FAM53A: variants seen among roughly 807,000 people sequenced by gnomAD.
FAM53A encodes the protein protein FAM53A.
A neutral mutation model predicts 26.6 loss-of-function variants in FAM53A; 28 were observed. That is an observed-to-expected ratio of 1.05 (90% CI 0.78 to 1.45). The LOEUF (loss-of-function observed/expected upper bound fraction) is 1.45. FAM53A is among the 40% of genes most tolerant of loss of function. The pLI is 0.00. For missense variants in FAM53A, 650 were observed against 575.8 expected, an observed-to-expected ratio of 1.13 and a Z score of -1.32; for synonymous variants, 290 against 253.1, an observed-to-expected ratio of 1.15 and a Z score of -1.38.
the FAM53A span, among the ~76,000 whole-genome samples, chr4:1,599,479 C>T: frequency 2.0e-5 from 3 of 152,148 alleles, no homozygotes; most frequent in Non-Finnish European, 2.9e-5. This position sits in a 1 kb window ranked among gnomAD's most constrained non-coding sequence, Gnocchi z 6.1. Context: ...CCCACAGCCA[C>T]GGGAGCAGCA....
chr4:1,649,894 G>A (rs1712602268), intron 4 of FAM53A, among the ~76,000 whole-genome samples: 1 of 150,216 alleles, frequency 6.7e-6, no homozygotes, highest in African/African-American at 2.5e-5. Context: ...AGGTGGCACA[G>A]GCGTGGCGTT....
Position 1,630,614 on chromosome 4 carries a change from AC to A in FAM53A, c.432-12504del, listed in dbSNP as rs1049934892. 7.2e-5 allele frequency among the ~76,000 whole-genome samples: 11 copies of A among 151,776 alleles called. No homozygotes were observed. The highest frequency in any genetic ancestry group is 2.7e-4 in the African/African-American group (11 of 41,288). On this transcript the variant is annotated intron_variant, in intron 1 of 1. Transcript: ENST00000489029. This position sits in a 1 kb window ranked among gnomAD's most constrained non-coding sequence, Gnocchi z 4.3. ...AGCAATTCCCCTCAGCCTCACCGCCACTCCCAAGACAGGCCAGGAGCCTGCT... is the reference window on the plus strand; with the variant it reads ...AGCAATTCCCCTCAGCCTCACCGCCATCCCAAGACAGGCCAGGAGCCTGCT...
the FAM53A span, among the ~76,000 whole-genome samples, chr4:1,594,267 G>A: frequency 6.6e-6 from 1 of 152,222 alleles, no homozygotes; most frequent in African/African-American, 2.4e-5. Context: ...ACCAGGTCAG[G>A]GCTCAGCCTG....
chr4:1,670,080 G>A (rs1160308379), intron 1 of FAM53A, among the ~76,000 whole-genome samples: 1 of 152,302 alleles, frequency 6.6e-6, no homozygotes, highest in East Asian at 1.9e-4. Context: ...TGGGAGCCAC[G>A]TGAGCCGCCC....
intron 4 of FAM53A, chr4:1,644,049 C>T (rs1436067365): frequency 9.4e-6 from 11 of 1,165,672 alleles, no homozygotes; most frequent in African/African-American, 1.5e-5. Flanking sequence ...CGTGGAGGTC[C>T]GGGTCTCACC....
At chr4:1,614,397 C>CATGCAGAGACGTGAGAGGG (rs1714732872), downstream of FAM53A, among the ~76,000 whole-genome samples, 9 of 97,000 alleles carry the variant, frequency 9.3e-5, no homozygotes, top group African/African-American at 4.2e-4. Context: ...ACGTGAGGGG[C>CATGCAGAGACGTGAGAGGG]ATGCAGAGAC....
chr4:1,626,316 C>T (rs536935733), intron 1 of FAM53A, among the ~76,000 whole-genome samples: 1 of 152,376 alleles, frequency 6.6e-6, no homozygotes, highest in African/African-American at 2.4e-5. Context: ...TCCACGTGGG[C>T]TTTCCTTCCA....
intron 1 of FAM53A, among the ~76,000 whole-genome samples, chr4:1,621,096 C>A (rs553216660): frequency 9.7e-6 from 1 of 102,816 alleles, no homozygotes. Flanking sequence ...GAGTCAGCTA[C>A]GCTACTTTTT....
At chr4:1,633,004 G>A (rs1284287980) in intron 1 of FAM53A, among the ~76,000 whole-genome samples, 1 of 132,014 alleles carries the variant, frequency 7.6e-6, no homozygotes, top group Admixed American at 7.6e-5. Flanking sequence ...ACACACTCGT[G>A]CTCACACGCA....
intron 1 of FAM53A, among the ~76,000 whole-genome samples, chr4:1,675,593 G>A (rs798737): frequency 6.6e-6 from 1 of 152,270 alleles, no homozygotes; most frequent in East Asian, 1.9e-4. Context: ...ACCCCAGGAG[G>A]TTTCCCTGCC....
intron 1 of FAM53A, among the ~76,000 whole-genome samples, chr4:1,673,747 T>C (rs1033362772): frequency 8.6e-5 from 13 of 151,710 alleles, no homozygotes; most frequent in Admixed American, 1.3e-4. Flanking sequence ...AAAAATCAGA[T>C]AAAGTGTGCC....
chr4:1,594,471 G>C, the FAM53A span, among the ~76,000 whole-genome samples: 1 of 152,120 alleles, frequency 6.6e-6, no homozygotes, highest in South Asian at 2.1e-4. Flanking sequence ...CCACGGTGGG[G>C]GTATTACTGT....
At chr4:1,585,473 G>A in the FAM53A span, among the ~76,000 whole-genome samples, 7 of 151,608 alleles carry the variant, frequency 4.6e-5, no homozygotes, top group Non-Finnish European at 5.9e-5. Flanking sequence ...TAGTAGGGAC[G>A]GGGTTTCACC....
intron 1 of FAM53A, among the ~76,000 whole-genome samples, chr4:1,670,053 C>T (rs1028906111): frequency 6.6e-6 from 1 of 152,220 alleles, no homozygotes; most frequent in Non-Finnish European, 1.5e-5. Flanking sequence ...GAGCATCTGC[C>T]CCAAAAGCCT....
At chr4:1,620,560 C>T (rs1714985354) in intron 1 of FAM53A, among the ~76,000 whole-genome samples, 1 of 151,804 alleles carries the variant, frequency 6.6e-6, no homozygotes, top group Non-Finnish European at 1.5e-5. Flanking sequence ...ACATAGGACG[C>T]CTGTAATCCC....
chr4:1,623,230 TG>T (rs1380265305), intron 1 of FAM53A, among the ~76,000 whole-genome samples: 1 of 152,200 alleles, frequency 6.6e-6, no homozygotes, highest in African/African-American at 2.4e-5. Context: ...TGTGTCCAGC[TG>T]CAGGTGGACC....
intron 1 of FAM53A, among the ~76,000 whole-genome samples, chr4:1,621,879 G>A (rs1451775323): frequency 1.3e-5 from 2 of 152,194 alleles, no homozygotes; most frequent in African/African-American, 4.8e-5. Flanking sequence ...AGGCTCATGT[G>A]TTGGAAACCT....
chr4:1,674,814 C>A (rs890703341), intron 1 of FAM53A, among the ~76,000 whole-genome samples: 1 of 152,204 alleles, frequency 6.6e-6, no homozygotes, highest in Non-Finnish European at 1.5e-5. Context: ...TCTCCCCTTA[C>A]AAGAAACTGA....
chr4:1,656,975 C>A (rs549389922), intron 3 of FAM53A, among the ~76,000 whole-genome samples: 1 of 152,188 alleles, frequency 6.6e-6, no homozygotes, highest in South Asian at 2.1e-4. Context: ...GGCCCACCTG[C>A]GGGTGAACCA....
Sources: gnomAD v4.1 joint callset for allele counts (sites outside exome capture counted in the v4.1 genomes callset) on GRCh38, gnomAD v4.1.1 for gene constraint, Gnocchi (gnomAD v3.1) non-coding constraint, MANE v1.5 for transcripts, NCBI Gene and HGNC (gene_info 2026-07-23, HGNC 2026-07-21) for gene names.